The following BMP5 variants were observed in gnomAD, a reference collection of about 807,000 sequenced individuals.
BMP5 encodes bone morphogenetic protein 5.
BMP5 carries 23 observed loss-of-function variants against 46.6 expected under a neutral mutation model. The observed-to-expected ratio is 0.49, with a 90% CI of 0.35 to 0.70. The LOEUF is 0.70. BMP5 is among the 30% of genes least tolerant of loss of function. The pLI, the probability that BMP5 is intolerant of heterozygous loss-of-function variation, is 0.00. For missense variants in BMP5, 545 were observed against 565.6 expected (o/e 0.96, Z 0.37); for synonymous variants, 204 against 191.9 (o/e 1.06, Z -0.52).
At chr6:55,853,364 G>A (rs9396161) in intron 1 of BMP5, among the ~76,000 whole-genome samples, 1 of 114,810 alleles carries the variant, frequency 8.7e-6, no homozygotes, top group Admixed American at 1.0e-4. Flanking sequence ...CTCTCTCTCT[G>A]ACTCTCTTTC....
intron 1 of BMP5, among the ~76,000 whole-genome samples, chr6:55,872,285 G>A (rs183134079): frequency 5.7e-4 from 87 of 151,578 alleles, no homozygotes; most frequent in African/African-American, 1.8e-3. Context: ...ATTTAGTTTG[G>A]AATTATTAAA....
intron 2 of BMP5, 35 bp from the exon 3 acceptor site, chr6:55,794,462 G>C (rs939835203): frequency 4.4e-6 from 7 of 1,602,574 alleles, no homozygotes; most frequent in Non-Finnish European, 1.7e-6. Context: ...AAAGTTAAAG[G>C]TTTAAATGAA....
rs773549043 is a variant in BMP5, at chr6:55,874,907, TC to T, written c.-43del. The T allele has an allele frequency of 8.9e-6, 14 of 1,579,954 alleles. No individual in the cohort carries two copies. In the South Asian group the frequency reaches 1.5e-4, roughly 17 times the overall value. ...AAGTTGATATTTTTAGTCCTTCTTG[TC>T]CTCTTAAAAAAAAAAAAAACCTAAG... On this transcript the variant is annotated 5_prime_UTR_variant, in exon 1 of 7. Transcript: ENST00000370830.
chr6:55,761,699 C>T (rs998744303), intron 4 of BMP5, among the ~76,000 whole-genome samples: 11 of 152,146 alleles, frequency 7.2e-5, no homozygotes, highest in Non-Finnish European at 1.3e-4. Context: ...TATTGCAACT[C>T]TCACCCTGAT....
intron 4 of BMP5, among the ~76,000 whole-genome samples, chr6:55,764,433 C>T (rs1774868002): frequency 6.6e-6 from 1 of 151,818 alleles, no homozygotes; most frequent in South Asian, 2.1e-4. Context: ...ATTAGCCAGG[C>T]GTAGTGGCGG....
chr6:55,853,275 A>G (rs1488462732), intron 1 of BMP5, among the ~76,000 whole-genome samples: 2 of 152,042 alleles, frequency 1.3e-5, no homozygotes, highest in Non-Finnish European at 2.9e-5. Flanking sequence ...ATTATTTATC[A>G]TATGAGTAAA....
chr6:55,789,442 G>A lies in BMP5; in HGVS notation c.832+4837C>T, dbSNP rs536109684. Among the ~76,000 whole-genome samples the A allele has an allele frequency of 4.6e-5, 7 of 152,030 alleles. No individual in the cohort carries two copies. The East Asian group carries it at 1.2e-3, about 25-fold the overall frequency. On this transcript the variant is annotated intron_variant, in intron 3 of 6. Coordinates refer to ENST00000370830, the MANE Select transcript of BMP5 (RefSeq NM_021073.4). ...AACAACGGAAAATTATAGTGTTTGG[G>A]GGGAAAACTCAAGTCTTTAAAGTTA...
At chr6:55,861,437 T>C (rs1315573747) in intron 1 of BMP5, among the ~76,000 whole-genome samples, 1 of 152,256 alleles carries the variant, frequency 6.6e-6, no homozygotes, top group Non-Finnish European at 1.5e-5. Flanking sequence ...TTTACCTCTT[T>C]TCTATTTTGC....
chr6:55,816,792 T>G (rs1206187019), intron 2 of BMP5, among the ~76,000 whole-genome samples: 4 of 151,914 alleles, frequency 2.6e-5, no homozygotes, highest in African/African-American at 4.8e-5. Context: ...AAAATAGAAT[T>G]GAGAGGGCAT....
At chr6:55,805,433 T>C (rs1032617517) in intron 2 of BMP5, among the ~76,000 whole-genome samples, 2 of 152,186 alleles carry the variant, frequency 1.3e-5, no homozygotes, top group Admixed American at 1.3e-4. Flanking sequence ...GCAAAGGACA[T>C]GATCTCATTC....
At chr6:55,855,801 T>A (rs1777380111) in intron 1 of BMP5, among the ~76,000 whole-genome samples, 1 of 152,246 alleles carries the variant, frequency 6.6e-6, no homozygotes, top group South Asian at 2.1e-4. Flanking sequence ...AAGTATTTTT[T>A]AAATGTTATT....
In BMP5 at chr6:55,874,763, G is replaced by T. The variant is rs1259795109; in HGVS notation, c.103C>A (p.His35Asn). ...AKGGLGDNHV[H>N]SSFIYRRLRN... ...AGTCTTCTATAAATAAAACTGGAGT[G>T]AACATGATTGTCTCCCAAACCTCCT... The change falls in exon 1 of 7, where the codon CAC (histidine) becomes AAC (asparagine). Residue 35 changes from histidine (H) to asparagine (N), a missense_variant. Transcript: ENST00000370830. 6.2e-7 allele frequency: 1 copy of T among 1,613,388 alleles called. No homozygotes were observed. The highest frequency in any genetic ancestry group is 8.5e-7 in the Non-Finnish European group (1 of 1,179,614).
At chr6:55,858,347 A>T (rs1340772093) in intron 1 of BMP5, among the ~76,000 whole-genome samples, 2 of 152,316 alleles carry the variant, frequency 1.3e-5, no homozygotes, top group East Asian at 3.9e-4. Context: ...ATGTCTTCAC[A>T]TGACTGCTAT....
chr6:55,817,306 T>G (rs1239859960), intron 2 of BMP5, among the ~76,000 whole-genome samples: 1 of 152,200 alleles, frequency 6.6e-6, no homozygotes, highest in South Asian at 2.1e-4. Context: ...CACATGTATG[T>G]TTATTGCAGC....
intron 2 of BMP5, among the ~76,000 whole-genome samples, chr6:55,807,947 C>T (rs142598455): frequency 1.3e-5 from 2 of 152,186 alleles, no homozygotes; most frequent in Non-Finnish European, 2.9e-5. Context: ...AGGGTCTCAC[C>T]CAGTTGGATG....
intron 2 of BMP5, among the ~76,000 whole-genome samples, chr6:55,800,947 A>T (rs1775836385): frequency 6.6e-6 from 1 of 152,162 alleles, no homozygotes; most frequent in Non-Finnish European, 1.5e-5. Context: ...AAGCACTGAT[A>T]TTTGGACTGG....
rs1582108494 is a variant in BMP5 at position 55,839,179 on chromosome 6, C to A, written c.491-19332G>T. 2.6e-5 allele frequency among the ~76,000 whole-genome samples: 4 copies of A among 152,170 alleles called. No individual in the cohort carries two copies. In the South Asian group the frequency reaches 6.2e-4, roughly 24 times the overall value. On this transcript the variant is annotated intron_variant, in intron 1 of 6. Transcript: ENST00000370830. ...CTATTGATGAATCATTGTGTCATTT[C>A]AAATTTGGGGCTATATGAATAAATC... is the stretch of plus-strand genomic sequence containing the variant.
intron 1 of BMP5, among the ~76,000 whole-genome samples, chr6:55,855,575 A>G (rs1777373833): frequency 1.3e-5 from 2 of 152,270 alleles, no homozygotes; most frequent in South Asian, 4.1e-4. Context: ...CAACCCTTAG[A>G]CGAATTAATC....
intron 1 of BMP5, among the ~76,000 whole-genome samples, chr6:55,841,916 C>CAGAGAGAG (rs143400522): frequency 0.098 from 14,425 of 146,806 alleles, 778 homozygotes; most frequent in African/African-American, 0.15. Context: ...GAGAGAGAGA[C>CAGAGAGAG]AGAGAGAGAG....
Sources: allele counts gnomAD v4.1 joint callset (sites outside exome capture counted in the v4.1 genomes callset), GRCh38; gene constraint gnomAD v4.1.1; transcripts MANE v1.5; gene names NCBI Gene and HGNC (gene_info 2026-07-23, HGNC 2026-07-21).